Variants in NDEL1 observed in about 807,000 individuals in gnomAD.
The protein encoded by NDEL1 is nuclear distribution protein nudE-like 1.
In NDEL1, 9 loss-of-function variants were observed where a neutral mutation model predicts 45.7. The observed-to-expected ratio is 0.20, with a 90% CI of 0.12 to 0.34. The LOEUF (loss-of-function observed/expected upper bound fraction) is 0.34. Among genes scored for constraint, NDEL1 ranks in the 10% least tolerant of loss-of-function variants. The pLI is 1.00. For synonymous variants in NDEL1, 133 were observed against 158.6 expected (o/e 0.84, Z 1.21); for missense variants, 306 against 406.2 (o/e 0.75, Z 2.12).
chr17:8,433,505 A>T (rs1270465550), upstream of NDEL1, among the ~76,000 whole-genome samples: 1 of 151,950 alleles, frequency 6.6e-6, no homozygotes, highest in Admixed American at 6.5e-5. Flanking sequence ...TGATTCCACC[A>T]TTTTTCCACC....
chr17:8,471,949 G>A (rs1271883098), downstream of NDEL1, among the ~76,000 whole-genome samples: 2 of 152,106 alleles, frequency 1.3e-5, no homozygotes, highest in African/African-American at 4.8e-5. Context: ...CCCAGAGACT[G>A]GGAAGCCTGT....
intron 8 of NDEL1, chr17:8,463,476 C>T: frequency 1.3e-6 from 1 of 799,870 alleles, no homozygotes; most frequent in East Asian, 2.6e-5. Context: ...AACCAACTTA[C>T]AGCCCATCAG....
chr17:8,426,744 C>T (rs950678133), intron 1 of NDEL1, among the ~76,000 whole-genome samples: 1 of 152,086 alleles, frequency 6.6e-6, no homozygotes, highest in African/African-American at 2.4e-5. Flanking sequence ...TTCATGGGAG[C>T]ATGGCAGGGT....
At chr17:8,426,563 G>T (rs868217878) in intron 1 of NDEL1, among the ~76,000 whole-genome samples, 2 of 152,280 alleles carry the variant, frequency 1.3e-5, no homozygotes, top group South Asian at 4.1e-4. Context: ...TTCTTGGGAG[G>T]CAGCTGCCAC....
chr17:8,451,544 T>C (rs1374213220), intron 6 of NDEL1, among the ~76,000 whole-genome samples: 2 of 152,224 alleles, frequency 1.3e-5, no homozygotes, highest in Non-Finnish European at 2.9e-5. Context: ...TTCTGTTACA[T>C]GCTTCAGGAG....
intron 5 of NDEL1, among the ~76,000 whole-genome samples, chr17:8,449,258 G>C (rs1910305222): frequency 6.6e-6 from 1 of 152,200 alleles, no homozygotes; most frequent in Admixed American, 6.5e-5. Flanking sequence ...TGGGATTACA[G>C]ACGTGAGCCA....
At chr17:8,460,499 G>C (rs1911130926) in intron 8 of NDEL1, among the ~76,000 whole-genome samples, 1 of 152,138 alleles carries the variant, frequency 6.6e-6, no homozygotes, top group African/African-American at 2.4e-5. Context: ...TGGGGTAGAA[G>C]ACAGCATCAC....
chr17:8,422,292 C>T (rs1908723373), intron 1 of NDEL1, among the ~76,000 whole-genome samples: 2 of 152,206 alleles, frequency 1.3e-5, no homozygotes, highest in African/African-American at 2.4e-5. Flanking sequence ...GGCTCCCCTG[C>T]CTCTCCCCTC....
rs545048972 is a variant in NDEL1, at chr17:8,438,629, C to A, written c.-13+2584C>A. Among the ~76,000 whole-genome samples the A allele has an allele frequency of 2.0e-5, 3 of 152,072 alleles. No homozygotes were observed. The East Asian group carries it at 5.8e-4, about 30-fold the overall frequency. On this transcript the variant is annotated intron_variant, in intron 1 of 8. Coordinates refer to ENST00000334527, the MANE Select transcript of NDEL1 (RefSeq NM_030808.5). ...TTCCTGGACTCAAGCGATCCTCCCA[C>A]CACAGTCTCACGAGTAGCTGGGACC... is the stretch of plus-strand genomic sequence containing the variant.
intron 8 of NDEL1, chr17:8,463,405 G>A (rs368969870): frequency 6.4e-7 from 1 of 1,570,014 alleles, no homozygotes; most frequent in Non-Finnish European, 8.8e-7. Flanking sequence ...TAATCCTGGT[G>A]TGTGGTGGAA....
intron 1 of NDEL1, among the ~76,000 whole-genome samples, chr17:8,421,533 T>C (rs1022560760): frequency 6.6e-6 from 1 of 152,150 alleles, no homozygotes; most frequent in Admixed American, 6.5e-5. Context: ...AGAAACTGAC[T>C]CTCTCCGAGC....
At chr17:8,440,244 G>A (rs780861092) in intron 1 of NDEL1, among the ~76,000 whole-genome samples, 1 of 152,108 alleles carries the variant, frequency 6.6e-6, no homozygotes, top group East Asian at 1.9e-4. Context: ...GTGACCAGGC[G>A]CGGTGGCTCA....
chr17:8,455,425 C>T lies in NDEL1; in HGVS notation c.792+538C>T, dbSNP rs572326891. On this transcript the variant is annotated intron_variant, in intron 7 of 8. Transcript: ENST00000334527. ...AAACCCAGCCGGACGCGGTGGCTCA[C>T]GCCTGTAATCCCAGCACTTTGGGAG... 1.8e-4 allele frequency among the ~76,000 whole-genome samples: 27 copies of T among 152,268 alleles called. No homozygotes were observed. The South Asian group carries it at 4.3e-3, about 25-fold the overall frequency.
At chr17:8,460,997 T>C (rs113368170) in intron 8 of NDEL1, 24 of 152,332 alleles carry the variant, frequency 1.6e-4, no homozygotes, top group African/African-American at 5.8e-4. Flanking sequence ...TATAGGTCAC[T>C]ATTAGGACCC....
At chr17:8,457,253 G>C (rs924064817) in intron 7 of NDEL1, among the ~76,000 whole-genome samples, 2 of 152,226 alleles carry the variant, frequency 1.3e-5, no homozygotes, top group African/African-American at 4.8e-5. Flanking sequence ...GATGGGCTTC[G>C]AGGGCTGCTG....
At chr17:8,435,883 C>G (rs913608549), upstream of NDEL1, 3 of 447,566 alleles carry the variant, frequency 6.7e-6, no homozygotes, top group Admixed American at 4.7e-5. Context: ...GACACCCAGG[C>G]AGTCCCTGAC....
chr17:8,444,059 T>C (rs796473507), intron 1 of NDEL1: 2 of 461,066 alleles, frequency 4.3e-6, no homozygotes, highest in African/African-American at 4.0e-5. Flanking sequence ...TTTGTCATGA[T>C]CTCATTCACA....
intron 1 of NDEL1, chr17:8,436,406 G>A (rs181145559): frequency 2.9e-3 from 441 of 154,436 alleles, no homozygotes; most frequent in Non-Finnish European, 3.9e-3. Context: ...AGGTGGCAGC[G>A]GCGCGCCCAG....
intron 6 of NDEL1, among the ~76,000 whole-genome samples, chr17:8,451,513 C>T (rs191088319): frequency 1.1e-4 from 17 of 152,232 alleles, no homozygotes; most frequent in African/African-American, 3.9e-4. Flanking sequence ...CATGTAAGAC[C>T]GGCTTGGATG....
Sources: allele counts gnomAD v4.1 joint callset (sites outside exome capture counted in the v4.1 genomes callset), GRCh38; gene constraint gnomAD v4.1.1; transcripts MANE v1.5; gene names NCBI Gene and HGNC (gene_info 2026-07-23, HGNC 2026-07-21).